Variants in SUGCT observed in about 807,000 individuals in gnomAD.
The protein encoded by SUGCT is succinyl-CoA:glutarate-CoA transferase, also known as succinyl-CoA:glutarate CoA-transferase.
Under a neutral mutation model 55.0 loss-of-function variants are expected in SUGCT, and 41 were observed. That is an observed-to-expected ratio of 0.74 (90% confidence interval 0.58 to 0.97). The LOEUF (loss-of-function observed/expected upper bound fraction) is 0.97. Ranked by LOEUF, SUGCT falls within the 50% of genes least tolerant of loss-of-function variation. The pLI, the probability that SUGCT is intolerant of heterozygous loss-of-function variation, is 0.00. For missense variants in SUGCT, 568 were observed against 547.8 expected (o/e 1.04, Z -0.37); for synonymous variants, 187 against 200.4 (o/e 0.93, Z 0.56).
intron 9 of SUGCT, among the ~76,000 whole-genome samples, chr7:40,415,070 A>ATCTGTCTG (rs1554334892): frequency 1.4e-4 from 17 of 121,442 alleles, no homozygotes; most frequent in Non-Finnish European, 2.2e-4. Flanking sequence ...AAATCTATCT[A>ATCTGTCTG]TCTATCTATC....
At chr7:40,511,709 CAA>C (rs1792942523) in intron 12 of SUGCT, among the ~76,000 whole-genome samples, 2 of 152,042 alleles carry the variant, frequency 1.3e-5, no homozygotes, top group South Asian at 2.1e-4. Flanking sequence ...AATGCAAAGA[CAA>C]AGAGCCTTGA....
the SUGCT span, among the ~76,000 whole-genome samples, chr7:40,886,398 G>A: frequency 6.6e-6 from 1 of 152,174 alleles, no homozygotes; most frequent in Non-Finnish European, 1.5e-5. Flanking sequence ...CTAAGCTACT[G>A]TGGGGATGAA....
chr7:41,009,010 G>T, the SUGCT span, among the ~76,000 whole-genome samples: 1 of 151,986 alleles, frequency 6.6e-6, no homozygotes, highest in East Asian at 1.9e-4. Flanking sequence ...AGCAAAAAAG[G>T]GACATGGCTT....
chr7:40,334,027 T>A (rs1240349427), intron 9 of SUGCT, among the ~76,000 whole-genome samples: 3 of 152,078 alleles, frequency 2.0e-5, no homozygotes, highest in African/African-American at 7.2e-5. Context: ...CTTGCGATAG[T>A]TTGCTGAGAA....
At position 40,583,480 on chromosome 7, in the gene SUGCT, C is replaced by T. The variant is rs570936896; in HGVS notation, c.1089+87094C>T. Reference sequence around the variant, plus strand: ...TCCGTTGGTAGTTTAAATATGTCTTCCCTGGAATTGTATGATGATATTTAG... The same window carrying T: ...TCCGTTGGTAGTTTAAATATGTCTTTCCTGGAATTGTATGATGATATTTAG... On this transcript the variant is annotated intron_variant, in intron 12 of 13. Coordinates refer to ENST00000335693, the MANE Select transcript of SUGCT (RefSeq NM_001193313.2). 2.6e-5 allele frequency among the ~76,000 whole-genome samples: 4 copies of T among 152,124 alleles called. No individual in the cohort carries two copies. In the South Asian group the frequency reaches 6.2e-4, roughly 24 times the overall value.
chr7:40,728,001 A>G (rs943378157), intron 12 of SUGCT, among the ~76,000 whole-genome samples: 10 of 152,192 alleles, frequency 6.6e-5, no homozygotes, highest in African/African-American at 2.2e-4. Context: ...ATTAGATACT[A>G]CAAGTATTCT....
chr7:40,766,423 T>C (rs960285410), intron 13 of SUGCT, among the ~76,000 whole-genome samples: 7 of 152,192 alleles, frequency 4.6e-5, no homozygotes, highest in Non-Finnish European at 1.0e-4. Flanking sequence ...TTGACCAGGC[T>C]GGTCTCGAAC....
At chr7:40,760,193 G>C (rs947895656) in intron 13 of SUGCT, among the ~76,000 whole-genome samples, 1 of 152,128 alleles carries the variant, frequency 6.6e-6, no homozygotes, top group African/African-American at 2.4e-5. Flanking sequence ...TTGCTGACCT[G>C]GGGCTGGTTT....
chr7:40,580,358 A>G (rs959572737), intron 12 of SUGCT, among the ~76,000 whole-genome samples: 1 of 152,238 alleles, frequency 6.6e-6, no homozygotes, highest in Non-Finnish European at 1.5e-5. Context: ...AAATATATTT[A>G]AAATATGTCC....
At chr7:40,172,068 G>A (rs1229329037) in intron 1 of SUGCT, among the ~76,000 whole-genome samples, 1 of 151,944 alleles carries the variant, frequency 6.6e-6, no homozygotes, top group Non-Finnish European at 1.5e-5. Flanking sequence ...TTAGCTTGTT[G>A]CCCCCATTTG....
intron 12 of SUGCT, among the ~76,000 whole-genome samples, chr7:40,499,829 A>G (rs1030329255): frequency 2.6e-5 from 4 of 152,206 alleles, no homozygotes; most frequent in African/African-American, 7.2e-5. Context: ...TGTGCAGTAC[A>G]TTAAAGGAAT....
At chr7:40,542,822 T>A (rs1421666546) in intron 12 of SUGCT, among the ~76,000 whole-genome samples, 10 of 152,182 alleles carry the variant, frequency 6.6e-5, no homozygotes, top group Non-Finnish European at 1.5e-4. Flanking sequence ...TGACACTGAT[T>A]CGATATAGTT....
intron 9 of SUGCT, among the ~76,000 whole-genome samples, chr7:40,430,511 G>C (rs149096256): frequency 6.6e-6 from 1 of 152,054 alleles, no homozygotes; most frequent in Admixed American, 6.5e-5. Context: ...TAAAAATCAG[G>C]TTGTTTTCCA....
chr7:41,006,817 G>A, the SUGCT span, among the ~76,000 whole-genome samples: 716 of 152,048 alleles, frequency 4.7e-3, 3 homozygotes, highest in African/African-American at 0.017. Flanking sequence ...TTTTTCTTCC[G>A]CATTTTAAGA....
At chr7:40,220,411 A>C (rs1052068218) in intron 6 of SUGCT, among the ~76,000 whole-genome samples, 2 of 152,224 alleles carry the variant, frequency 1.3e-5, no homozygotes, top group Admixed American at 1.3e-4. Flanking sequence ...CTATATCAGG[A>C]GGAAAGTTGT....
Position 40,506,403 on chromosome 7 carries a change from A to G in SUGCT, c.1089+10017A>G, listed in dbSNP as rs182495191. Among the ~76,000 whole-genome samples the G allele has an allele frequency of 3.8e-3, 582 of 151,592 alleles. 2 individuals are homozygous for G. The highest frequency in any genetic ancestry group is 0.013 in the African/African-American group (552 of 41,316). On this transcript the variant is annotated intron_variant, in intron 12 of 13. Transcript: ENST00000335693. ...CCCTTGAGTGTAATGTATCATTTTT[A>G]TTTTGCTCCTCTGTTCAAGGACGAA...
chr7:40,377,495 G>A (rs891581386), intron 9 of SUGCT, among the ~76,000 whole-genome samples: 1 of 151,472 alleles, frequency 6.6e-6, no homozygotes, highest in Non-Finnish European at 1.5e-5. Context: ...CACCTGCCTC[G>A]GCCTCCCAAA....
At chr7:40,492,063 T>C (rs185170014) in intron 11 of SUGCT, among the ~76,000 whole-genome samples, 34 of 151,998 alleles carry the variant, frequency 2.2e-4, no homozygotes, top group Non-Finnish European at 2.9e-4. Flanking sequence ...GAACTCCAGG[T>C]AGAATAGTTA....
At chr7:40,427,475 C>A (rs1019801228) in intron 9 of SUGCT, among the ~76,000 whole-genome samples, 24 of 152,190 alleles carry the variant, frequency 1.6e-4, no homozygotes, top group African/African-American at 5.5e-4. Context: ...GTTTATTTTT[C>A]AGTGATTACT....
Sources: allele counts gnomAD v4.1 joint callset (sites outside exome capture counted in the v4.1 genomes callset), GRCh38; gene constraint gnomAD v4.1.1; transcripts MANE v1.5; gene names NCBI Gene and HGNC (gene_info 2026-07-23, HGNC 2026-07-21).